DENND3: variants seen among roughly 807,000 people sequenced by gnomAD.
DENND3 encodes DENN domain containing 3.
Under a neutral mutation model 135.1 loss-of-function variants are expected in DENND3, and 88 were observed. That is an observed-to-expected ratio of 0.65 (90% CI 0.55 to 0.78). DENND3 has a LOEUF of 0.78. Ranked by LOEUF, DENND3 falls within the 30% of genes least tolerant of loss-of-function variation. The probability of loss-of-function intolerance (pLI) is 0.00; values close to 1 mark genes in which losing one functional copy is unlikely to be tolerated. For synonymous variants in DENND3, 693 were observed against 712.3 expected (o/e 0.97, Z 0.43); for missense variants, 1,392 against 1,688.4 (o/e 0.82, Z 3.08).
At chr8:141,150,172 C>G (rs932817208) in intron 5 of DENND3, 4 of 420,978 alleles carry the variant, frequency 9.5e-6, no homozygotes, top group Non-Finnish European at 1.6e-5. Context: ...GGGCCTCCCA[C>G]GTGCCAGCAC....
Position 141,160,670 on chromosome 8 carries a change from C to T in DENND3, c.1235C>T (p.Ala412Val), listed in dbSNP as rs1375603274. ...CAGCTCCACCATGAGCTGCACGCCG[C>T]CCACCTCCTCTCCAGCACAGACCTG... ...SLQLHHELHA[A>V]HLLSSTDLKE... is the part of the protein sequence containing the mutation. The change falls in exon 9 of 23, where the codon GCC (alanine) becomes GTC (valine). Residue 412 changes from alanine (A) to valine (V), a missense_variant. By Grantham distance (64) the Ala-to-Val change is moderately conservative. Coordinates refer to ENST00000519811, the MANE Select transcript of DENND3 (RefSeq NM_001352890.3). 6.2e-7 allele frequency: 1 copy of T among 1,612,212 alleles called. No homozygotes were observed. Among genetic ancestry groups the T allele is most frequent in the Non-Finnish European group, 8.5e-7 (1 of 1,179,000 alleles).
intron 1 of DENND3, among the ~76,000 whole-genome samples, chr8:141,134,502 G>A (rs1555539041): frequency 2.0e-5 from 3 of 151,818 alleles, no homozygotes; most frequent in Non-Finnish European, 2.9e-5. Flanking sequence ...TCACTGTGGT[G>A]TCGATCTCCT....
intron 18 of DENND3, 176 bp from the exon 19 acceptor site, chr8:141,188,810 A>C: frequency 5.6e-6 from 4 of 708,660 alleles, no homozygotes; most frequent in Non-Finnish European, 9.1e-6. Flanking sequence ...AAGGTTATGC[A>C]CTGATGGGTG....
rs1820964757 is a variant in DENND3, at chr8:141,167,525, C to A, written c.1754-479C>A. 6.6e-6 allele frequency among the ~76,000 whole-genome samples: 1 copy of A among 152,168 alleles called. No individual in the cohort carries two copies. Among genetic ancestry groups the A allele is most frequent in the Middle Eastern group, 3.2e-3 (1 of 316 alleles). The stretch of plus-strand genomic sequence containing the variant: ...ACACCTGGTTGAAGTGTGGCTCAGG[C>A]ACTTAGTCGCTGTGTACCTGGGACA... On this transcript the variant is annotated intron_variant, in intron 12 of 22. Coordinates refer to ENST00000519811, the MANE Select transcript of DENND3 (RefSeq NM_001352890.3). This position sits in a 1 kb window ranked among gnomAD's most constrained non-coding sequence, Gnocchi z 4.1.
At position 141,146,023 on chromosome 8, in the gene DENND3, A is replaced by G. The variant is rs1818087823; in HGVS notation, c.735+1764A>G. ...GCCACCACGCTGGCTAATTTTTTGTATTTTTAGTAGAGATGGGGTTTCACC... is the reference window on the plus strand; with the variant it reads ...GCCACCACGCTGGCTAATTTTTTGTGTTTTTAGTAGAGATGGGGTTTCACC... On this transcript the variant is annotated intron_variant, in intron 5 of 22. Transcript: ENST00000519811. This position sits in a 1 kb window ranked among gnomAD's most constrained non-coding sequence, Gnocchi z 4.3. 6.6e-6 allele frequency among the ~76,000 whole-genome samples: 1 copy of G among 151,046 alleles called. No homozygotes were observed. Among genetic ancestry groups the G allele is most frequent in the South Asian group, 2.1e-4 (1 of 4,794 alleles).
intron 8 of DENND3, among the ~76,000 whole-genome samples, chr8:141,160,337 C>G (rs1345757106): frequency 6.6e-6 from 1 of 152,082 alleles, no homozygotes; most frequent in Non-Finnish European, 1.5e-5. Context: ...TGCCACCATG[C>G]CTGGCTAATT....
chr8:141,183,315 A>C (rs1374016639), intron 17 of DENND3, among the ~76,000 whole-genome samples: 1 of 151,956 alleles, frequency 6.6e-6, no homozygotes, highest in Admixed American at 6.6e-5. Flanking sequence ...GCGCGATCAC[A>C]CCTCACTGCA....
intron 5 of DENND3, 64 bp from the exon 6 acceptor site, chr8:141,150,770 T>C (rs1188677672): frequency 1.3e-6 from 2 of 1,504,334 alleles, no homozygotes; most frequent in Non-Finnish European, 1.8e-6. Flanking sequence ...ATAGTGACAG[T>C]AGTGCACGTC....
chr8:141,150,869 T>C lies in DENND3; in HGVS notation c.771T>C (p.Pro257=). Residue 257 remains proline (P), a synonymous_variant, in exon 6 of 23, where the codon CCT becomes CCC. Transcript: ENST00000519811. ...TGAAGTCGCTCCAGATTGTGTTACC[T>C]GCCCGAGCAGACCCCGAAAGCCCCA... ...FNMKSLQIVL[P]ARADPESPIL... is the part of the protein sequence containing the mutation. The C allele has an allele frequency of 2.5e-6, 4 of 1,608,934 alleles. No homozygotes were observed. Among genetic ancestry groups the C allele is most frequent in the Non-Finnish European group, 3.4e-6 (4 of 1,178,666 alleles).
At position 141,155,978 on chromosome 8, in the gene DENND3, G is replaced by A. The variant is rs775418287; in HGVS notation, c.1196+8G>A. The A allele has an allele frequency of 9.4e-6, 15 of 1,596,640 alleles. No individual in the cohort carries two copies. In the South Asian group the frequency reaches 1.5e-4, roughly 16 times the overall value. On this transcript the variant is annotated splice_region_variant and intron_variant, in intron 8 of 22. Coordinates refer to ENST00000519811, the MANE Select transcript of DENND3 (RefSeq NM_001352890.3). ...CCAGACGTTTATTCAGAGGTAACGG[G>A]AAACATTAATGGTATGAATTTCAGA...
intron 5 of DENND3, among the ~76,000 whole-genome samples, chr8:141,150,019 T>A (rs1329520454): frequency 1.3e-5 from 2 of 152,226 alleles, no homozygotes; most frequent in Non-Finnish European, 2.9e-5. Flanking sequence ...CCCTCCCAGG[T>A]GTTCCCTTGA....
At chr8:141,176,940 C>A (rs910757719) in intron 15 of DENND3, 179 bp downstream of exon 15, 1 of 678,112 alleles carries the variant, frequency 1.5e-6, no homozygotes, top group South Asian at 2.1e-5. Flanking sequence ...GTCTGTGTGA[C>A]CCAGCGAGAG....
At chr8:141,163,042 G>A (rs1168216489) in intron 9 of DENND3, among the ~76,000 whole-genome samples, 4 of 152,230 alleles carry the variant, frequency 2.6e-5, no homozygotes, top group African/African-American at 9.6e-5. Flanking sequence ...AGTTTCATGT[G>A]TGTGGACCGC....
chr8:141,184,889 A>G (rs2154613466), intron 17 of DENND3: 1 of 409,924 alleles, frequency 2.4e-6, no homozygotes, highest in South Asian at 5.5e-5. Flanking sequence ...GCTCACAGGC[A>G]TTCGGCTCTG....
intron 8 of DENND3, chr8:141,158,325 C>CGA: frequency 5.5e-6 from 7 of 1,267,710 alleles, no homozygotes; most frequent in Non-Finnish European, 7.2e-6. Flanking sequence ...TAGAGCGTGA[C>CGA]ATTCTGTAAT....
chr8:141,148,489 A>G (rs1277020531), intron 5 of DENND3, among the ~76,000 whole-genome samples: 1 of 152,214 alleles, frequency 6.6e-6, no homozygotes, highest in Non-Finnish European at 1.5e-5. Context: ...TCTCACACAC[A>G]CACACATTCT....
chr8:141,151,984 T>C (rs1335820657), intron 7 of DENND3, 147 bp downstream of exon 7: 5 of 985,840 alleles, frequency 5.1e-6, no homozygotes, highest in Non-Finnish European at 7.5e-6. Flanking sequence ...GAAGTGGCTG[T>C]TCACTCACTG....
intron 1 of DENND3, among the ~76,000 whole-genome samples, chr8:141,135,177 G>C (rs1816651313): frequency 7.1e-6 from 1 of 141,072 alleles, no homozygotes; most frequent in Non-Finnish European, 1.5e-5. Flanking sequence ...TTTGAGACCA[G>C]GTCTTGCTCT....
At position 141,189,061 on chromosome 8, in the gene DENND3, C is replaced by T. The variant is rs1201135545; in HGVS notation, c.3160C>T (p.His1054Tyr). ...CTCCGTCATCTACATCATCAACGTC[C>T]ACAGCATGTCCTGCAACAAGCAGCT... ...EDSVIYIINVHSMSCNKQLTA... is the reference protein window; with the variant it reads ...EDSVIYIINVYSMSCNKQLTA... The change falls in exon 19 of 23, where the codon CAC (histidine) becomes TAC (tyrosine). Residue 1054 changes from histidine to tyrosine, a missense_variant. Coordinates refer to ENST00000519811, the MANE Select transcript of DENND3 (RefSeq NM_001352890.3). 1.9e-6 allele frequency: 3 copies of T among 1,614,108 alleles called. No homozygotes were observed. The highest frequency in any genetic ancestry group is 2.5e-6 in the Non-Finnish European group (3 of 1,180,046).
Sources: gnomAD v4.1 joint callset for allele counts (sites outside exome capture counted in the v4.1 genomes callset) on GRCh38, gnomAD v4.1.1 for gene constraint, Gnocchi (gnomAD v3.1) non-coding constraint, MANE v1.5 for transcripts, NCBI Gene and HGNC (gene_info 2026-07-23, HGNC 2026-07-21) for gene names.